Variants in FMNL1 observed in about 807,000 individuals in gnomAD.
FMNL1 encodes the protein formin-like protein 1.
In FMNL1, 43 loss-of-function variants were observed where a neutral mutation model predicts 121.3. That is an observed-to-expected ratio of 0.35 (90% CI 0.28 to 0.46). FMNL1 has a LOEUF of 0.46. Ranked by LOEUF, FMNL1 falls within the 20% of genes least tolerant of loss-of-function variation. FMNL1 has a pLI of 1.00. For missense variants in FMNL1, 1,191 were observed against 1,482.4 expected, an observed-to-expected ratio of 0.80 and a Z score of 3.23; for synonymous variants, 613 against 613.5, an observed-to-expected ratio of 1.00 and a Z score of 0.01.
rs901695838 is a variant in FMNL1, at chr17:45,222,087, G to C, written c.-38G>C. On this transcript the variant is annotated 5_prime_UTR_variant, in exon 1 of 27. Transcript: ENST00000331495. ...CCGTCCCCCGGAAAGCTGGATTTCC[G>C]AGGCTGGAGGCGCCTGGCCGGCTGG... The C allele has an allele frequency of 5.3e-6, 6 of 1,140,232 alleles. No homozygotes were observed. The highest frequency in any genetic ancestry group is 6.5e-6 in the Non-Finnish European group (6 of 929,706). The allele number at this position is 1,140,232 out of a possible 1,614,324, so 70.6% of individuals were successfully genotyped here. A position where few individuals can be genotyped will look rare whatever the true frequency, so the allele number is the denominator to read the frequency against.
chr17:45,239,212 C>T (rs1323734413), intron 11 of FMNL1, 147 bp downstream of exon 11: 1 of 643,152 alleles, frequency 1.6e-6, no homozygotes, highest in Non-Finnish European at 2.8e-6. Context: ...GGATAGGCCT[C>T]TTCCTCTCTC....
chr17:45,239,130 G>GTATGGCTGACCC, intron 11 of FMNL1, 65 bp downstream of exon 11: 1 of 1,367,016 alleles, frequency 7.3e-7, no homozygotes, highest in East Asian at 2.3e-5. Context: ...TGAGTGGTTA[G>GTATGGCTGACCC]CAGCATGAGT....
Position 45,247,143 on chromosome 17 carries a change from TC to T in FMNL1, c.*290del. ...ACAGAGGGCAGCATCGCCCGCCCCT[TC>T]CCCCAAATGCTGCTTGCAGCACCCA... On this transcript the variant is annotated 3_prime_UTR_variant, in exon 27 of 27. Transcript: ENST00000331495. 2 of 580,200 alleles carry T rather than the reference TC, an allele frequency of 3.4e-6. No individual in the cohort carries two copies. The highest frequency in any genetic ancestry group is 2.8e-5 in the East Asian group (1 of 35,614). 35.9% of individuals were successfully genotyped at this position (580,200 alleles called of 1,614,324 possible).
chr17:45,243,784 C>T lies in FMNL1; in HGVS notation c.2214-7C>T. On this transcript the variant is annotated splice_polypyrimidine_tract_variant and splice_region_variant and intron_variant, in intron 17 of 26. Coordinates refer to ENST00000331495, the MANE Select transcript of FMNL1 (RefSeq NM_005892.4). ...ATGCCCAATCTCCCCTCTCCTCCCT[C>T]TCACAGGTACGACCTGCAGGCTCTG... 1 of 1,604,666 alleles carries T rather than the reference C, an allele frequency of 6.2e-7. No homozygotes were observed. The highest frequency in any genetic ancestry group is 8.5e-7 in the Non-Finnish European group (1 of 1,172,412).
chr17:45,231,972 A>T lies in FMNL1; in HGVS notation c.214-395A>T, dbSNP rs1296676381. 6.6e-6 allele frequency among the ~76,000 whole-genome samples: 1 copy of T among 152,168 alleles called. No homozygotes were observed. Among genetic ancestry groups the T allele is most frequent in the Admixed American group, 6.5e-5 (1 of 15,284 alleles). On this transcript the variant is annotated intron_variant, in intron 2 of 26. Coordinates refer to ENST00000331495, the MANE Select transcript of FMNL1 (RefSeq NM_005892.4). This position sits in a 1 kb window ranked among gnomAD's most constrained non-coding sequence, Gnocchi z 4.7. The stretch of plus-strand genomic sequence containing the variant: ...TGTCAGGGCTGTGGCCTGGGAGCCC[A>T]TACAGGAAGGGCAGGCTAGGCCTAG...
chr17:45,241,039 C>T lies in FMNL1; in HGVS notation c.1231-90C>T. 1 of 1,519,682 alleles carries T rather than the reference C, an allele frequency of 6.6e-7. No homozygotes were observed. The highest frequency in any genetic ancestry group is 9.0e-7 in the Non-Finnish European group (1 of 1,107,228). The allele number at this position is 1,519,682 out of a possible 1,614,324, so 94.1% of individuals were successfully genotyped here. The stretch of plus-strand genomic sequence containing the variant: ...AGCGGATCTGGGAGCCTCCCCCAGT[C>T]TTCCAGGCAGGCATGCCTGATGCCG... On this transcript the variant is annotated intron_variant, in intron 12 of 26. Transcript: ENST00000331495. This position sits in a 1 kb window ranked among gnomAD's most constrained non-coding sequence, Gnocchi z 7.0.
At chr17:45,242,216 C>A in intron 15 of FMNL1, 70 bp downstream of exon 15, 1 of 1,551,588 alleles carries the variant, frequency 6.4e-7, no homozygotes, top group South Asian at 1.2e-5. Flanking sequence ...GCCTCAGTGT[C>A]CTCCAGGGTC....
At chr17:45,239,161 G>A in intron 11 of FMNL1, 96 bp downstream of exon 11, 1 of 979,896 alleles carries the variant, frequency 1.0e-6, no homozygotes, top group Non-Finnish European at 1.6e-6. Context: ...GGTAGACCTG[G>A]GTTTAAATCC....
Position 45,231,069 on chromosome 17 carries a change from G to A in FMNL1, c.213+382G>A, listed in dbSNP as rs1192731011. Among the ~76,000 whole-genome samples the A allele has an allele frequency of 2.0e-5, 3 of 152,178 alleles. No homozygotes were observed. Among genetic ancestry groups the A allele is most frequent in the Non-Finnish European group, 4.4e-5 (3 of 68,020 alleles). On this transcript the variant is annotated intron_variant, in intron 2 of 26. Transcript: ENST00000331495. This position sits in a 1 kb window ranked among gnomAD's most constrained non-coding sequence, Gnocchi z 4.7. ...GACATCTTCACCTGACCCCATGGGA[G>A]GGAGGGAGGAAGGGGCGGGAATTCC...
chr17:45,245,005 C>T lies in FMNL1; in HGVS notation c.2625C>T (p.Arg875=), dbSNP rs1371470128. ...TGTTGGAGATGAAGTCGACTGATCG[C>T]AAGCAGACGCTGCTGCACTACCTGG... ...DALLEMKSTD[R]KQTLLHYLVK... The change falls in exon 21 of 27, where the codon CGC becomes CGT. Residue 875 remains arginine (R), a synonymous_variant. Transcript: ENST00000331495. 6 of 1,613,840 alleles carry T rather than the reference C, an allele frequency of 3.7e-6. No individual in the cohort carries two copies. Among genetic ancestry groups the T allele is most frequent in the Non-Finnish European group, 5.1e-6 (6 of 1,179,876 alleles).
At position 45,222,085 on chromosome 17, in the gene FMNL1, C is replaced by T. The variant is rs1223552053; in HGVS notation, c.-40C>T. The T allele has an allele frequency of 5.3e-6, 6 of 1,140,248 alleles. No individual in the cohort carries two copies. In the Admixed American group the frequency reaches 2.9e-4, roughly 55 times the overall value. The allele number at this position is 1,140,248 out of a possible 1,614,324, so 70.6% of individuals were successfully genotyped here. A position where few individuals can be genotyped will look rare whatever the true frequency, so the allele number is the denominator to read the frequency against. Reference sequence around the variant, plus strand: ...CCCCGTCCCCCGGAAAGCTGGATTTCCGAGGCTGGAGGCGCCTGGCCGGCT... The same window carrying T: ...CCCCGTCCCCCGGAAAGCTGGATTTTCGAGGCTGGAGGCGCCTGGCCGGCT... On this transcript the variant is annotated 5_prime_UTR_variant, in exon 1 of 27. Transcript: ENST00000331495.
At chr17:45,223,478 T>C (rs1455868452) in intron 1 of FMNL1, among the ~76,000 whole-genome samples, 1 of 152,142 alleles carries the variant, frequency 6.6e-6, no homozygotes, top group Non-Finnish European at 1.5e-5. Context: ...TTGGAGGAGC[T>C]ATGGGGTGGC....
At position 45,232,357 on chromosome 17, in the gene FMNL1, A is replaced by G. The variant is rs376157205; in HGVS notation, c.214-10A>G. 13 of 1,613,248 alleles carry G rather than the reference A, an allele frequency of 8.1e-6. No individual in the cohort carries two copies. The African/African-American group carries it at 1.6e-4, about 20-fold the overall frequency. ...GCTGGTTTTCTGTACACCCCATTCC[A>G]TCTCCCCAGGAGCGGTTTCAAGTCA... On this transcript the variant is annotated splice_polypyrimidine_tract_variant and intron_variant, in intron 2 of 26. Coordinates refer to ENST00000331495, the MANE Select transcript of FMNL1 (RefSeq NM_005892.4).
Position 45,233,406 on chromosome 17 carries a change from T to G in FMNL1, c.401+109T>G. ...CCCTGCCCCCTGCACAAGGCTGTGC[T>G]TGTGGACCACCTCCTGGAGGTGTCC... On this transcript the variant is annotated intron_variant, in intron 4 of 26. Transcript: ENST00000331495. The surrounding 1 kb of genome is among the most constrained non-coding windows in gnomAD (Gnocchi z 4.1). The G allele has an allele frequency of 1.6e-6, 2 of 1,214,592 alleles. No individual in the cohort carries two copies. Among genetic ancestry groups the G allele is most frequent in the Non-Finnish European group, 2.3e-6 (2 of 873,864 alleles). The allele number at this position is 1,214,592 out of a possible 1,614,324, so 75.2% of individuals were successfully genotyped here.
rs530551198 is a variant in FMNL1, at chr17:45,234,278, C to T, written c.614+78C>T. On this transcript the variant is annotated intron_variant, in intron 6 of 26. Coordinates refer to ENST00000331495, the MANE Select transcript of FMNL1 (RefSeq NM_005892.4). ...ACTGCTGCATCTAGCCAGCCCACCC[C>T]GGGCCCTTGGGGTTGGCGAGAGGGG... is the stretch of plus-strand genomic sequence containing the variant. 9.1e-4 allele frequency: 1,462 copies of T among 1,608,972 alleles called. 2 individuals are homozygous for T. The highest frequency in any genetic ancestry group is 1.1e-3 in the Non-Finnish European group (1,353 of 1,178,804).
chr17:45,235,020 C>T (rs1030495191), intron 6 of FMNL1, among the ~76,000 whole-genome samples: 3 of 152,174 alleles, frequency 2.0e-5, no homozygotes, highest in Admixed American at 1.3e-4. Flanking sequence ...TAGATGGACC[C>T]TAGAGCATCT....
At chr17:45,225,367 G>C (rs924070184) in intron 1 of FMNL1, among the ~76,000 whole-genome samples, 1 of 152,218 alleles carries the variant, frequency 6.6e-6, no homozygotes, top group Admixed American at 6.5e-5. Context: ...TCCCACCTCC[G>C]GGACAGGGCA....
rs764530496 is a variant in FMNL1 at position 45,233,760 on chromosome 17, C to T, written c.485+29C>T. 48 of 1,612,228 alleles carry T rather than the reference C, an allele frequency of 3.0e-5. No homozygotes were observed. The highest frequency in any genetic ancestry group is 1.5e-4 in the Admixed American group (9 of 59,940). On this transcript the variant is annotated intron_variant, in intron 5 of 26. Coordinates refer to ENST00000331495, the MANE Select transcript of FMNL1 (RefSeq NM_005892.4). This position sits in a 1 kb window ranked among gnomAD's most constrained non-coding sequence, Gnocchi z 4.1. Reference sequence around the variant, plus strand: ...AGCCCCCTGCTCCCAGCCCTCATGCCGCTCCTCAGAGCTTTGATCCCCGTC... The same window carrying T: ...AGCCCCCTGCTCCCAGCCCTCATGCTGCTCCTCAGAGCTTTGATCCCCGTC...
Position 45,245,984 on chromosome 17 carries a change from G to A in FMNL1, c.3090+11G>A. 1.3e-6 allele frequency: 2 copies of A among 1,543,670 alleles called. No homozygotes were observed. Among genetic ancestry groups the A allele is most frequent in the Non-Finnish European group, 1.7e-6 (2 of 1,151,538 alleles). On this transcript the variant is annotated intron_variant, in intron 24 of 26. Coordinates refer to ENST00000331495, the MANE Select transcript of FMNL1 (RefSeq NM_005892.4). ...CCCCCAGCACCCAAGGTAGGCAACT[G>A]CTCCTGGGCTTGGTACTGGGCTGCA...
Sources: gnomAD v4.1 joint callset for allele counts (sites outside exome capture counted in the v4.1 genomes callset) on GRCh38, gnomAD v4.1.1 for gene constraint, Gnocchi (gnomAD v3.1) non-coding constraint, MANE v1.5 for transcripts, NCBI Gene and HGNC (gene_info 2026-07-23, HGNC 2026-07-21) for gene names.